Variants in ZNF583 observed in about 807,000 individuals in gnomAD.
ZNF583 encodes zinc finger protein 583.
In ZNF583, 30 loss-of-function variants were observed where a neutral mutation model predicts 55.3. That is an observed-to-expected ratio of 0.54 (90% CI 0.41 to 0.74). ZNF583 has a LOEUF of 0.74. Among genes scored for constraint, ZNF583 ranks in the 30% least tolerant of loss-of-function variants. ZNF583 has a pLI of 0.00. For synonymous variants in ZNF583, 208 were observed against 220.0 expected, an observed-to-expected ratio of 0.95 and a Z score of 0.48; for missense variants, 504 against 664.7, an observed-to-expected ratio of 0.76 and a Z score of 2.66.
At chr19:56,412,160 A>G (rs1271448823) in intron 2 of ZNF583, among the ~76,000 whole-genome samples, 2 of 152,220 alleles carry the variant, frequency 1.3e-5, no homozygotes, top group African/African-American at 4.8e-5. Context: ...GCTGTTTATC[A>G]ATGAGTGTGG....
rs2042460251 is a variant in ZNF583 at position 56,423,817 on chromosome 19, A to AC, written c.1159_1160insC (p.Lys387ThrfsTer23). 1 of 1,613,854 alleles carries AC rather than the reference A, an allele frequency of 6.2e-7. No individual in the cohort carries two copies. The highest frequency in any genetic ancestry group is 8.5e-7 in the Non-Finnish European group (1 of 1,179,934). On this transcript the variant is annotated frameshift_variant, in exon 5 of 5. Transcript: ENST00000333201. LOFTEE classifies it high-confidence loss of function. ...ACCCTACGAATGTAAGGAATGTAGG[A>AC]AAGCCTTCAGCCAGTATGCACACCT...
intron 4 of ZNF583, among the ~76,000 whole-genome samples, chr19:56,416,572 GATT>G (rs1435399142): frequency 1.3e-5 from 2 of 150,734 alleles, no homozygotes; most frequent in African/African-American, 2.4e-5. Flanking sequence ...TTAGTAATGA[GATT>G]ATTAAGGACT....
At chr19:56,414,224 C>A in intron 3 of ZNF583, 121 bp from the exon 4 acceptor site, 1 of 1,495,244 alleles carries the variant, frequency 6.7e-7, no homozygotes, top group Non-Finnish European at 9.3e-7. Flanking sequence ...GAATTGGCAG[C>A]TTCATCTTCC....
At chr19:56,414,476 G>C (rs768725688) in intron 4 of ZNF583, 36 bp downstream of exon 4, 132 of 1,568,296 alleles carry the variant, frequency 8.4e-5, no homozygotes, top group Non-Finnish European at 1.1e-4. Context: ...AGAAGCCATT[G>C]CCAGGAAAAG....
At chr19:56,413,908 A>T (rs2042275909) in intron 2 of ZNF583, 51 bp from the exon 3 acceptor site, 1 of 1,609,462 alleles carries the variant, frequency 6.2e-7, no homozygotes, top group African/African-American at 1.3e-5. Context: ...ACTTAGGCTC[A>T]TGTGAGGATA....
At chr19:56,416,975 A>T (rs1293899142) in intron 4 of ZNF583, among the ~76,000 whole-genome samples, 1 of 152,150 alleles carries the variant, frequency 6.6e-6, no homozygotes, top group Non-Finnish European at 1.5e-5. Flanking sequence ...ATCTAAAGTA[A>T]ATGGAATCAT....
At chr19:56,419,005 T>C (rs1263816935) in intron 4 of ZNF583, among the ~76,000 whole-genome samples, 1 of 152,136 alleles carries the variant, frequency 6.6e-6, no homozygotes, top group African/African-American at 2.4e-5. Context: ...TCATGTGATT[T>C]TTTTTCTCTT....
rs1307635099 is a variant in ZNF583, at chr19:56,424,248, G to A, written c.1590G>A (p.Arg530=). 1.2e-6 allele frequency: 2 copies of A among 1,613,758 alleles called. No individual in the cohort carries two copies. Among genetic ancestry groups the A allele is most frequent in the Non-Finnish European group, 1.7e-6 (2 of 1,179,984 alleles). ...GTAAAGATTGCAGGAAATCTTTCAG[G>A]CAGCGTGCACATCTTGCTCATCATG... The part of the protein sequence containing the change: ...YECKDCRKSF[R]QRAHLAHHER... Residue 530 remains arginine (R), a synonymous_variant, in exon 5 of 5, where the codon AGG becomes AGA. Coordinates refer to ENST00000333201, the MANE Select transcript of ZNF583 (RefSeq NM_152478.3).
chr19:56,414,651 A>G (rs1356080153), intron 4 of ZNF583: 2 of 496,572 alleles, frequency 4.0e-6, no homozygotes, highest in Non-Finnish European at 7.1e-6. Context: ...TCTGACAGTA[A>G]TCTTCTCTGA....
Position 56,423,052 on chromosome 19 carries a change from C to A in ZNF583, c.394C>A (p.Leu132Met). The change falls in exon 5 of 5, where the codon CTG becomes ATG. Residue 132 changes from leucine (L) to methionine (M), a missense_variant. Physicochemically the swap from Leu to Met is conservative, Grantham distance 15. Transcript: ENST00000333201. ...CQSEDWYKNQ[L>M]GSQEVHLSQL... ...AAGTGAGGACTGGTATAAGAACCAGCTGGGAAGTCAAGAGGTACATCTTAG... is the reference window on the plus strand; with the variant it reads ...AAGTGAGGACTGGTATAAGAACCAGATGGGAAGTCAAGAGGTACATCTTAG... 6 of 1,613,874 alleles carry A rather than the reference C, an allele frequency of 3.7e-6. No homozygotes were observed. Among genetic ancestry groups the A allele is most frequent in the South Asian group, 2.2e-5 (2 of 91,040 alleles).
rs114846502 is a variant in ZNF583 at position 56,404,651 on chromosome 19, C to T, written c.-90+199C>T. 5.4e-3 allele frequency among the ~76,000 whole-genome samples: 819 copies of T among 151,758 alleles called. 9 individuals carry two copies. Among genetic ancestry groups the T allele is most frequent in the African/African-American group, 0.019 (785 of 41,378 alleles). ...TGTGTGACAGTGTGAGAATGTGAGG[C>T]CGTGTGTGAATATGTGTGTCAGTGT... On this transcript the variant is annotated intron_variant, in intron 1 of 4. Transcript: ENST00000333201. The surrounding 1 kb of genome is among the most constrained non-coding windows in gnomAD (Gnocchi z 5.2).
rs1319295752 is a variant in ZNF583 at position 56,425,126 on chromosome 19, T to C, written c.*758T>C. On this transcript the variant is annotated 3_prime_UTR_variant, in exon 5 of 5. Coordinates refer to ENST00000333201, the MANE Select transcript of ZNF583 (RefSeq NM_152478.3). Reference sequence around the variant, plus strand: ...GGGTATCTAACAGTAGGATTTACATTAGAGTCCATGATATAGGGTAAGATG... The same window carrying C: ...GGGTATCTAACAGTAGGATTTACATCAGAGTCCATGATATAGGGTAAGATG... 1 of 152,082 alleles carries C rather than the reference T, an allele frequency of 6.6e-6. No individual in the cohort carries two copies. Among genetic ancestry groups the C allele is most frequent in the Non-Finnish European group, 1.5e-5 (1 of 68,024 alleles). The allele number at this position is 152,082 out of a possible 1,614,324, so 9.4% of individuals were successfully genotyped here.
intron 2 of ZNF583, among the ~76,000 whole-genome samples, chr19:56,413,294 T>G (rs1330997841): frequency 6.6e-6 from 1 of 152,204 alleles, no homozygotes; most frequent in East Asian, 1.9e-4. Context: ...CAAGCACAAA[T>G]TCAGTGGCAT....
intron 1 of ZNF583, 144 bp from the exon 2 acceptor site, chr19:56,406,882 A>T (rs2042162369): frequency 2.0e-6 from 1 of 490,600 alleles, no homozygotes; most frequent in Non-Finnish European, 3.6e-6. Context: ...GTAAATTTAG[A>T]TATAAATGAA....
Position 56,407,045 on chromosome 19 carries a change from T to G in ZNF583, c.-70T>G. Reference sequence around the variant, plus strand: ...CTCCAGCTCGACTTTCTCAGGATACTGTCCCTCTCCCACAGAGGAGCTGAA... The same window carrying G: ...CTCCAGCTCGACTTTCTCAGGATACGGTCCCTCTCCCACAGAGGAGCTGAA... On this transcript the variant is annotated 5_prime_UTR_variant, in exon 2 of 5. Coordinates refer to ENST00000333201, the MANE Select transcript of ZNF583 (RefSeq NM_152478.3). 2 of 1,587,312 alleles carry G rather than the reference T, an allele frequency of 1.3e-6. No homozygotes were observed. The highest frequency in any genetic ancestry group is 1.7e-6 in the Non-Finnish European group (2 of 1,158,984).
intron 4 of ZNF583, among the ~76,000 whole-genome samples, chr19:56,420,351 C>CTT (rs1348843739): frequency 1.3e-5 from 2 of 152,126 alleles, no homozygotes; most frequent in Admixed American, 1.3e-4. Context: ...AGAATATAGT[C>CTT]TATCTTATTT....
intron 2 of ZNF583, among the ~76,000 whole-genome samples, chr19:56,413,507 C>A (rs1023831215): frequency 6.6e-6 from 1 of 151,918 alleles, no homozygotes; most frequent in Non-Finnish European, 1.5e-5. Context: ...GAACATTGAC[C>A]ATTCCATTGT....
chr19:56,416,796 G>A (rs185255730), intron 4 of ZNF583, among the ~76,000 whole-genome samples: 3 of 151,996 alleles, frequency 2.0e-5, no homozygotes, highest in South Asian at 2.1e-4. Context: ...CATATAAATT[G>A]TACAGTTTGA....
intron 2 of ZNF583, among the ~76,000 whole-genome samples, chr19:56,408,998 T>G (rs1226673441): frequency 6.7e-6 from 1 of 149,550 alleles, no homozygotes; most frequent in African/African-American, 2.5e-5. Flanking sequence ...CCCCTACATG[T>G]TGACATAGCT....
Sources: gnomAD v4.1 joint callset for allele counts (sites outside exome capture counted in the v4.1 genomes callset) on GRCh38, gnomAD v4.1.1 for gene constraint, Gnocchi (gnomAD v3.1) non-coding constraint, MANE v1.5 for transcripts, NCBI Gene and HGNC (gene_info 2026-07-23, HGNC 2026-07-21) for gene names.